The following CAND1 variants were observed in gnomAD, a reference collection of about 807,000 sequenced individuals.
The protein encoded by CAND1 is cullin associated and neddylation dissociated 1.
CAND1 carries 7 observed loss-of-function variants against 108.5 expected under a neutral mutation model. The observed-to-expected ratio is 0.06, with a 90% CI of 0.04 to 0.12. CAND1 has a LOEUF of 0.12. CAND1 is among the 10% of genes least tolerant of loss of function. The pLI is 1.00. For synonymous variants in CAND1, 534 were observed against 512.0 expected (o/e 1.04, Z -0.58); for missense variants, 941 against 1,448.7 (o/e 0.65, Z 5.69).
At chr12:67,295,203 ATTAAT>A in intron 4 of CAND1, 47 bp downstream of exon 4, 3 of 1,519,362 alleles carry the variant, frequency 2.0e-6, no homozygotes, top group Non-Finnish European at 2.7e-6. Flanking sequence ...AGATAACTAC[ATTAAT>A]TTACTAAAAA....
Position 67,285,064 on chromosome 12 carries a change from A to T in CAND1, c.212+3011A>T, listed in dbSNP as rs138693148. 6.1e-4 allele frequency among the ~76,000 whole-genome samples: 93 copies of T among 152,294 alleles called. 1 individual carries two copies. The highest frequency in any genetic ancestry group is 2.0e-3 in the African/African-American group (85 of 41,572). ...TAGTAGCTTTTCATATAAGCTTTTG[A>T]TAAGTAGCTTTTCATGTGGGCAATC... On this transcript the variant is annotated intron_variant, in intron 2 of 14. Coordinates refer to ENST00000545606, the MANE Select transcript of CAND1 (RefSeq NM_018448.5).
intron 7 of CAND1, among the ~76,000 whole-genome samples, chr12:67,300,118 C>T (rs7968351): frequency 6.6e-6 from 1 of 152,068 alleles, no homozygotes; most frequent in African/African-American, 2.4e-5. Context: ...CTCTGCCTAT[C>T]GTATTACTCA....
At chr12:67,281,346 A>C (rs1230115813) in intron 1 of CAND1, among the ~76,000 whole-genome samples, 1 of 151,980 alleles carries the variant, frequency 6.6e-6, no homozygotes, top group Non-Finnish European at 1.5e-5. Flanking sequence ...AAAGAGAATG[A>C]AAAAGAAAAT....
Position 67,317,045 on chromosome 12 carries a change from A to G in CAND1, c.*4215A>G, listed in dbSNP as rs917594176. On this transcript the variant is annotated 3_prime_UTR_variant, in exon 15 of 15. Transcript: ENST00000545606. ...CCATAAGAATGGATGAGATGGCCCT[A>G]AAAGAATAAGGATTACATATAATGA... The G allele has an allele frequency of 1.3e-5, 2 of 152,208 alleles. No homozygotes were observed. The highest frequency in any genetic ancestry group is 4.1e-4 in the South Asian group (2 of 4,826). 9.4% of individuals were successfully genotyped at this position (152,208 alleles called of 1,614,324 possible).
Position 67,306,563 on chromosome 12 carries a change from T to A in CAND1, c.2895T>A (p.Thr965=), listed in dbSNP as rs145493527. 7.0e-5 allele frequency: 113 copies of A among 1,613,436 alleles called. 1 individual carries two copies. In the African/African-American group the frequency reaches 1.3e-3, roughly 18 times the overall value. The change falls in exon 10 of 15, where the codon ACT becomes ACA. Residue 965 remains threonine (T), a synonymous_variant. Coordinates refer to ENST00000545606, the MANE Select transcript of CAND1 (RefSeq NM_018448.5). ...AACTCACTCTAATTGATCCAGAAAC[T>A]CTCCTTCCACGGCTTAAGGGGTACT... is the stretch of plus-strand genomic sequence containing the variant. The part of the protein sequence containing the change: ...LGKLTLIDPE[T]LLPRLKGYLI...
At position 67,305,169 on chromosome 12, in the gene CAND1, C is replaced by G; in HGVS notation, c.1501C>G (p.Leu501Val). 1.2e-6 allele frequency: 2 copies of G among 1,614,012 alleles called. No individual in the cohort carries two copies. The highest frequency in any genetic ancestry group is 4.5e-5 in the East Asian group (2 of 44,882). Residue 501 changes from leucine to valine, a missense_variant, in exon 10 of 15, where the codon CTA (leucine) becomes GTA (valine). Physicochemically the swap from Leu to Val is conservative, Grantham distance 32. This residue lies in a region of CAND1 where 697 missense variants were observed against 942.0 expected (regional missense o/e 0.74). Transcript: ENST00000545606. The surrounding 1 kb of genome is among the most constrained non-coding windows in gnomAD (Gnocchi z 4.4). ...TTTGAAGATCGATGCTTTGTCATGTCTATACGTAATCCTCTGTAACCATTC... is the reference window on the plus strand; with the variant it reads ...TTTGAAGATCGATGCTTTGTCATGTGTATACGTAATCCTCTGTAACCATTC... ...SNLKIDALSC[L>V]YVILCNHSPQ...
rs756394427 is a variant in CAND1 at position 67,311,720 on chromosome 12, C to T, written c.3388C>T (p.Leu1130=). ...KMLTFLMLVR[L]STLCPSAVLQ... ...GCTGACATTTTTAATGTTGGTGAGA[C>T]TGTCTACCCTTTGTCCAAGTGCAGT... The change falls in exon 14 of 15, where the codon CTG becomes TTG. Residue 1130 remains leucine (L), a synonymous_variant. Coordinates refer to ENST00000545606, the MANE Select transcript of CAND1 (RefSeq NM_018448.5). 1.9e-6 allele frequency: 3 copies of T among 1,609,594 alleles called. No individual in the cohort carries two copies. The highest frequency in any genetic ancestry group is 2.6e-6 in the Non-Finnish European group (3 of 1,176,080).
intron 2 of CAND1, among the ~76,000 whole-genome samples, chr12:67,291,915 A>G (rs2044725986): frequency 6.6e-6 from 1 of 152,210 alleles, no homozygotes; most frequent in African/African-American, 2.4e-5. Flanking sequence ...CCCAGGCTAG[A>G]GTGCAGTGGT....
chr12:67,290,773 G>A (rs1222016274), intron 2 of CAND1, among the ~76,000 whole-genome samples: 2 of 152,056 alleles, frequency 1.3e-5, no homozygotes, highest in African/African-American at 4.8e-5. Flanking sequence ...CTTAAACCCT[G>A]GGCCATGGAC....
At chr12:67,308,695 G>A (rs1469415922) in intron 11 of CAND1, among the ~76,000 whole-genome samples, 1 of 151,966 alleles carries the variant, frequency 6.6e-6, no homozygotes, top group African/African-American at 2.4e-5. Context: ...ATGCTTTACT[G>A]AAAGCGGATA....
chr12:67,312,263 A>G (rs1262986716), intron 14 of CAND1, among the ~76,000 whole-genome samples: 1 of 152,076 alleles, frequency 6.6e-6, no homozygotes, highest in African/African-American at 2.4e-5. Flanking sequence ...ATAATAGAGT[A>G]TAGCAAAGAA....
chr12:67,306,773 GT>G (rs1285474553), intron 10 of CAND1, among the ~76,000 whole-genome samples, 176 bp downstream of exon 10: 1 of 152,052 alleles, frequency 6.6e-6, no homozygotes, highest in Non-Finnish European at 1.5e-5. Flanking sequence ...ACATTTTGTT[GT>G]TTTAAAGGAT....
chr12:67,282,669 G>A (rs1337153416), intron 2 of CAND1, among the ~76,000 whole-genome samples: 1 of 152,062 alleles, frequency 6.6e-6, no homozygotes, highest in Non-Finnish European at 1.5e-5. Flanking sequence ...TGGGATTATA[G>A]GCATGAGCCA....
intron 2 of CAND1, among the ~76,000 whole-genome samples, chr12:67,289,752 G>T (rs943519484): frequency 6.6e-6 from 1 of 151,612 alleles, no homozygotes; most frequent in African/African-American, 2.4e-5. Flanking sequence ...TTTTATATTC[G>T]GTCTCTCCAT....
At chr12:67,278,260 C>G (rs1248540287) in intron 1 of CAND1, among the ~76,000 whole-genome samples, 1 of 152,172 alleles carries the variant, frequency 6.6e-6, no homozygotes, top group African/African-American at 2.4e-5. Context: ...CAGGTTCAAG[C>G]ATTTCCCCTG....
At chr12:67,290,282 G>A (rs1177152249) in intron 2 of CAND1, among the ~76,000 whole-genome samples, 1 of 152,106 alleles carries the variant, frequency 6.6e-6, no homozygotes, top group Non-Finnish European at 1.5e-5. Flanking sequence ...AGGCCAAGGC[G>A]GGTGGATCAC....
chr12:67,275,948 G>A (rs932183198), intron 1 of CAND1, among the ~76,000 whole-genome samples: 38 of 152,162 alleles, frequency 2.5e-4, no homozygotes, highest in African/African-American at 8.4e-4. Context: ...TTCTTTTCCC[G>A]TCTTAATGCC....
At chr12:67,288,792 C>A (rs997715954) in intron 2 of CAND1, among the ~76,000 whole-genome samples, 1 of 152,158 alleles carries the variant, frequency 6.6e-6, no homozygotes, top group African/African-American at 2.4e-5. Context: ...CTATGTAGGC[C>A]TGGCAAGGAC....
At chr12:67,277,702 T>G (rs1245375722) in intron 1 of CAND1, among the ~76,000 whole-genome samples, 1 of 152,230 alleles carries the variant, frequency 6.6e-6, no homozygotes, top group African/African-American at 2.4e-5. Flanking sequence ...CTCATCCAAA[T>G]GACTGTGAAA....
Sources: allele counts gnomAD v4.1 joint callset (sites outside exome capture counted in the v4.1 genomes callset), GRCh38; gene constraint gnomAD v4.1.1; regional missense constraint gnomAD v4.1.1; non-coding constraint Gnocchi (gnomAD v3.1); transcripts MANE v1.5; gene names NCBI Gene and HGNC (gene_info 2026-07-23, HGNC 2026-07-21).